SLC2A9: variants seen among roughly 807,000 people sequenced by gnomAD.
SLC2A9 encodes solute carrier family 2, facilitated glucose transporter member 9.
In SLC2A9, 39 loss-of-function variants were observed where a neutral mutation model predicts 50.6. That is an observed-to-expected ratio of 0.77 (90% CI 0.60 to 1.01). The LOEUF is 1.01. Ranked by LOEUF, SLC2A9 falls within the 50% of genes least tolerant of loss-of-function variation. The pLI is 0.00. For synonymous variants in SLC2A9, 324 were observed against 276.9 expected, an observed-to-expected ratio of 1.17 and a Z score of -1.69; for missense variants, 686 against 677.6, an observed-to-expected ratio of 1.01 and a Z score of -0.14.
chr4:9,776,327 C>A (rs913736437), downstream of SLC2A9, among the ~76,000 whole-genome samples: 1 of 151,752 alleles, frequency 6.6e-6, no homozygotes, highest in Non-Finnish European at 1.5e-5. Context: ...AAGTTTGTTC[C>A]GCAGGTCTTG....
chr4:9,967,640 G>C (rs1256513698), intron 5 of SLC2A9, among the ~76,000 whole-genome samples: 2 of 151,364 alleles, frequency 1.3e-5, no homozygotes, highest in African/African-American at 4.8e-5. Flanking sequence ...GATTTAGAAA[G>C]AAAATATAAA....
rs527770148 is a variant in SLC2A9 at position 9,974,310 on chromosome 4, A to G, written c.681+6282T>C. ...GCAATCAGGCAAGAGAAAGAAATAA[A>G]AGGTATTCAAATAGGAAAAGAAGTC... is the stretch of plus-strand genomic sequence containing the variant. On this transcript the variant is annotated intron_variant, in intron 5 of 11. Transcript: ENST00000264784. Among the ~76,000 whole-genome samples the G allele has an allele frequency of 3.9e-5, 6 of 152,310 alleles. No homozygotes were observed. In the South Asian group the frequency reaches 1.2e-3, roughly 32 times the overall value.
chr4:9,861,061 C>G (rs117540324), intron 10 of SLC2A9, among the ~76,000 whole-genome samples: 106 of 152,280 alleles, frequency 7.0e-4, no homozygotes, highest in East Asian at 6.4e-3. Flanking sequence ...CTTATTGCTA[C>G]ACGTATTAGT....
At chr4:9,786,645 T>G (rs1287873763) in intron 3 of SLC2A9, among the ~76,000 whole-genome samples, 1 of 152,120 alleles carries the variant, frequency 6.6e-6, no homozygotes, top group Non-Finnish European at 1.5e-5. Context: ...TAACCTCACA[T>G]GTTATTATTT....
At chr4:9,825,534 T>C (rs1357965154), downstream of SLC2A9, among the ~76,000 whole-genome samples, 9 of 1,350 alleles carry the variant, frequency 6.7e-3, no homozygotes, top group East Asian at 0.019. Flanking sequence ...AATCACAATG[T>C]TTTTTTTTTT....
At chr4:9,945,559 T>C (rs1463266489) in intron 5 of SLC2A9, among the ~76,000 whole-genome samples, 1 of 152,200 alleles carries the variant, frequency 6.6e-6, no homozygotes, top group Non-Finnish European at 1.5e-5. Flanking sequence ...AACTCGGTCA[T>C]AGAGGCATGA....
intron 5 of SLC2A9, among the ~76,000 whole-genome samples, chr4:9,977,922 G>A (rs1475782639): frequency 6.6e-6 from 1 of 152,192 alleles, no homozygotes; most frequent in Non-Finnish European, 1.5e-5. Context: ...CTACACATTT[G>A]TTGAATGACT....
rs111453027 is a variant in SLC2A9 at position 9,852,597 on chromosome 4, C to G, written c.1292-17589G>C. ...GAAATTCCAATCAAGAATTTTGTAGCCAGTCAAACTAAGCTTCATAAACAA... is the reference window on the plus strand; with the variant it reads ...GAAATTCCAATCAAGAATTTTGTAGGCAGTCAAACTAAGCTTCATAAACAA... On this transcript the variant is annotated intron_variant, in intron 10 of 11. Transcript: ENST00000264784. Among the ~76,000 whole-genome samples, 845 of 152,260 alleles carry G rather than the reference C, an allele frequency of 5.5e-3. 7 individuals are homozygous for G. Among genetic ancestry groups the G allele is most frequent in the African/African-American group, 0.019 (794 of 41,550 alleles).
intron 3 of SLC2A9, among the ~76,000 whole-genome samples, chr4:9,801,599 C>A (rs1721415058): frequency 6.6e-6 from 1 of 152,184 alleles, no homozygotes; most frequent in Admixed American, 6.5e-5. Flanking sequence ...CATTAACTCT[C>A]CTGAACTGCT....
intron 7 of SLC2A9, among the ~76,000 whole-genome samples, chr4:9,909,716 C>T (rs1372138194): frequency 6.6e-6 from 1 of 152,234 alleles, no homozygotes; most frequent in Non-Finnish European, 1.5e-5. Flanking sequence ...TCTGGGTTCT[C>T]CCCATCCCAG....
chr4:9,886,058 T>C (rs1736146743), intron 10 of SLC2A9, among the ~76,000 whole-genome samples: 1 of 152,086 alleles, frequency 6.6e-6, no homozygotes, highest in Admixed American at 6.5e-5. Flanking sequence ...TGAGTGTATA[T>C]AGTAAATGTG....
intron 8 of SLC2A9, among the ~76,000 whole-genome samples, chr4:9,901,425 C>T (rs1024845561): frequency 6.6e-5 from 10 of 152,144 alleles, no homozygotes; most frequent in Non-Finnish European, 1.3e-4. Context: ...TGATGATTCA[C>T]AGGGAAAACC....
chr4:9,862,425 C>T (rs994805921), intron 10 of SLC2A9, among the ~76,000 whole-genome samples: 1 of 152,064 alleles, frequency 6.6e-6, no homozygotes, highest in African/African-American at 2.4e-5. Context: ...ACTACTCATT[C>T]CCTGGGTGTC....
intron 6 of SLC2A9, 98 bp from the exon 7 acceptor site, chr4:9,920,670 A>T: frequency 2.1e-6 from 3 of 1,422,278 alleles, no homozygotes; most frequent in Middle Eastern, 1.7e-4. Context: ...TCCTAGCCAC[A>T]CACCTTAGCT....
intron 8 of SLC2A9, among the ~76,000 whole-genome samples, chr4:9,891,189 A>G (rs1362747287): frequency 6.6e-6 from 1 of 152,118 alleles, no homozygotes; most frequent in Non-Finnish European, 1.5e-5. Flanking sequence ...GGGGAAGTCA[A>G]TTTCATTGTG....
Position 9,789,287 on chromosome 4 carries a change from G to T in SLC2A9, n.386-9222C>A, listed in dbSNP as rs138780301. Among the ~76,000 whole-genome samples, 8 of 152,292 alleles carry T rather than the reference G, an allele frequency of 5.3e-5. No individual in the cohort carries two copies. In the East Asian group the frequency reaches 1.5e-3, roughly 29 times the overall value. On this transcript the variant is annotated intron_variant and non_coding_transcript_variant, in intron 3 of 3. Transcript: ENST00000503803. ...TTAGTTGCTTACCTTGTAGTTTATT[G>T]TCAGGGTTATGTGCTGTGATGCATG...
At chr4:9,864,516 C>A (rs149288368) in intron 10 of SLC2A9, among the ~76,000 whole-genome samples, 2 of 152,192 alleles carry the variant, frequency 1.3e-5, no homozygotes, top group African/African-American at 2.4e-5. Flanking sequence ...TGAGTTGGAA[C>A]TTTATTGTCC....
At chr4:10,036,445 C>G (rs996341714) in intron 1 of SLC2A9, among the ~76,000 whole-genome samples, 2 of 152,242 alleles carry the variant, frequency 1.3e-5, no homozygotes, top group Non-Finnish European at 2.9e-5. Flanking sequence ...ATAAGGCCAT[C>G]GCTCTTCCAT....
At chr4:9,781,900 G>T in intron 3 of SLC2A9, 1 of 799,678 alleles carries the variant, frequency 1.3e-6, no homozygotes, top group South Asian at 2.7e-5. Flanking sequence ...AGCTCATGGT[G>T]AGCGCCCTCT....
Sources: gnomAD v4.1 joint callset for allele counts (sites outside exome capture counted in the v4.1 genomes callset) on GRCh38, gnomAD v4.1.1 for gene constraint, MANE v1.5 for transcripts, NCBI Gene and HGNC (gene_info 2026-07-23, HGNC 2026-07-21) for gene names.